DNAH14: variants seen among roughly 807,000 people sequenced by gnomAD.
DNAH14 encodes axonemal beta dynein heavy chain 14.
In DNAH14, 478 loss-of-function variants were observed where a neutral mutation model predicts 520.9. The observed-to-expected ratio is 0.92, with a 90% CI of 0.85 to 0.99. DNAH14 has a LOEUF of 0.99. Ranked by LOEUF, DNAH14 falls within the 50% of genes least tolerant of loss-of-function variation. DNAH14 has a pLI of 0.00. For missense variants in DNAH14, 4,831 were observed against 5,234.5 expected (o/e 0.92, Z 2.38); for synonymous variants, 1,581 against 1,757.2 (o/e 0.90, Z 2.51).
intron 5 of DNAH14, among the ~76,000 whole-genome samples, chr1:224,966,990 A>G (rs544434438): frequency 6.6e-6 from 1 of 152,342 alleles, no homozygotes; most frequent in African/African-American, 2.4e-5. Context: ...CTCATTAAAT[A>G]TTTATTACTT....
intron 23 of DNAH14, among the ~76,000 whole-genome samples, chr1:225,108,215 T>G (rs1198551146): frequency 6.6e-6 from 1 of 152,184 alleles, no homozygotes; most frequent in Non-Finnish European, 1.5e-5. Flanking sequence ...GTTCTTCAGC[T>G]TTTGGACTCT....
chr1:225,089,334 C>G (rs778492126), intron 21 of DNAH14, among the ~76,000 whole-genome samples: 1 of 149,586 alleles, frequency 6.7e-6, no homozygotes, highest in Non-Finnish European at 1.5e-5. Flanking sequence ...ATCCCAGCTA[C>G]TTGGAAGGCT....
At chr1:224,933,601 C>T (rs756911899) in intron 1 of DNAH14, among the ~76,000 whole-genome samples, 2 of 151,968 alleles carry the variant, frequency 1.3e-5, no homozygotes, top group Non-Finnish European at 2.9e-5. Context: ...AGGTATGTTC[C>T]TTTTATGCCT....
intron 81 of DNAH14, among the ~76,000 whole-genome samples, chr1:225,385,098 C>T (rs1422113061): frequency 1.3e-5 from 2 of 152,124 alleles, no homozygotes. Context: ...AAACGTAATC[C>T]ATCATGTAAA....
chr1:225,273,825 G>C (rs1476992897), intron 52 of DNAH14, among the ~76,000 whole-genome samples: 1 of 152,188 alleles, frequency 6.6e-6, no homozygotes, highest in African/African-American at 2.4e-5. Context: ...GAATGTGACT[G>C]AATGGAGCAG....
intron 64 of DNAH14, among the ~76,000 whole-genome samples, chr1:225,326,792 A>C (rs372687766): frequency 6.6e-6 from 1 of 152,198 alleles, no homozygotes; most frequent in South Asian, 2.1e-4. Context: ...AACAAATTTA[A>C]AAACCTGAAG....
intron 35 of DNAH14, among the ~76,000 whole-genome samples, chr1:225,167,608 T>C (rs1343161586): frequency 6.6e-6 from 1 of 152,220 alleles, no homozygotes; most frequent in African/African-American, 2.4e-5. Context: ...TGTTTTCTTT[T>C]AGTGTAGGAT....
At chr1:224,958,212 A>G (rs1301499633) in intron 3 of DNAH14, among the ~76,000 whole-genome samples, 2 of 152,094 alleles carry the variant, frequency 1.3e-5, no homozygotes, top group African/African-American at 4.8e-5. Flanking sequence ...AGGTTTAGAG[A>G]TTTGAGGAGC....
At chr1:225,261,162 C>T (rs1388675075) in intron 46 of DNAH14, among the ~76,000 whole-genome samples, 1 of 152,164 alleles carries the variant, frequency 6.6e-6, no homozygotes, top group East Asian at 1.9e-4. Flanking sequence ...CTGGCTAGGA[C>T]TTCCAGTTCT....
At chr1:225,061,881 G>A (rs989300636) in intron 17 of DNAH14, among the ~76,000 whole-genome samples, 1 of 152,218 alleles carries the variant, frequency 6.6e-6, no homozygotes, top group African/African-American at 2.4e-5. Context: ...GAATGAGAAT[G>A]TAATGTTTAG....
intron 68 of DNAH14, among the ~76,000 whole-genome samples, chr1:225,339,483 A>G (rs1254448354): frequency 6.6e-6 from 1 of 152,194 alleles, no homozygotes; most frequent in Non-Finnish European, 1.5e-5. Context: ...TTATTCACCA[A>G]ACCCTCTTCA....
At chr1:225,337,044 T>A (rs2095071975) in intron 66 of DNAH14, among the ~76,000 whole-genome samples, 1 of 152,224 alleles carries the variant, frequency 6.6e-6, no homozygotes, top group Non-Finnish European at 1.5e-5. Context: ...ATGGGCATCA[T>A]AATGCCCTTA....
intron 55 of DNAH14, among the ~76,000 whole-genome samples, chr1:225,290,639 GTGTGTGTGTATA>G (rs1266155115): frequency 6.8e-5 from 6 of 88,748 alleles, no homozygotes; most frequent in African/African-American, 1.4e-4. Context: ...ATATGTGTGT[GTGTGTGTGTATA>G]TATATATATA....
At chr1:225,378,586 G>A (rs1286930637) in intron 79 of DNAH14, among the ~76,000 whole-genome samples, 1 of 152,092 alleles carries the variant, frequency 6.6e-6, no homozygotes, top group Non-Finnish European at 1.5e-5. Flanking sequence ...AGTGTTTGTT[G>A]AAAAATCAGT....
intron 82 of DNAH14, among the ~76,000 whole-genome samples, chr1:225,388,921 C>A (rs962476051): frequency 2.6e-5 from 4 of 152,054 alleles, no homozygotes; most frequent in Non-Finnish European, 5.9e-5. Flanking sequence ...GCCACCATGC[C>A]CAGCTCATTG....
At chr1:225,104,806 A>G (rs911408619) in intron 23 of DNAH14, among the ~76,000 whole-genome samples, 1 of 151,262 alleles carries the variant, frequency 6.6e-6, no homozygotes. Flanking sequence ...CTAGCGGTCT[A>G]TCAATTTTGT....
intron 2 of DNAH14, among the ~76,000 whole-genome samples, chr1:224,954,165 T>G (rs2060356893): frequency 6.6e-6 from 1 of 152,046 alleles, no homozygotes; most frequent in Admixed American, 6.6e-5. Flanking sequence ...GGGAAAATTT[T>G]CAAGATGTTT....
intron 8 of DNAH14, among the ~76,000 whole-genome samples, chr1:224,988,489 G>A (rs1444477213): frequency 1.3e-5 from 2 of 152,146 alleles, no homozygotes; most frequent in Non-Finnish European, 2.9e-5. Context: ...AAAGGCTGTG[G>A]GGAAATAAGA....
At chr1:225,291,237 C>T (rs2093881428) in intron 55 of DNAH14, among the ~76,000 whole-genome samples, 1 of 151,986 alleles carries the variant, frequency 6.6e-6, no homozygotes, top group Non-Finnish European at 1.5e-5. Flanking sequence ...AGTATATATA[C>T]CATATTTTCT....
Sources: allele counts gnomAD v4.1 joint callset (sites outside exome capture counted in the v4.1 genomes callset), GRCh38; gene constraint gnomAD v4.1.1; transcripts MANE v1.5; gene names NCBI Gene and HGNC (gene_info 2026-07-23, HGNC 2026-07-21).